The following ADAMTSL1 variants were observed in gnomAD, a reference collection of about 807,000 sequenced individuals.
The protein encoded by ADAMTSL1 is ADAMTS like 1.
In ADAMTSL1, 126 loss-of-function variants were observed where a neutral mutation model predicts 201.8. That is an observed-to-expected ratio of 0.62 (90% confidence interval 0.54 to 0.72). ADAMTSL1 has a LOEUF of 0.72. ADAMTSL1 is among the 30% of genes least tolerant of loss of function. The pLI is 0.00. For missense variants in ADAMTSL1, 2,679 were observed against 2,277.8 expected, an observed-to-expected ratio of 1.18 and a Z score of -3.59; for synonymous variants, 1,121 against 903.4, an observed-to-expected ratio of 1.24 and a Z score of -4.32.
chr9:18,336,767 T>C (rs1396515622), intron 2 of ADAMTSL1, among the ~76,000 whole-genome samples: 1 of 152,146 alleles, frequency 6.6e-6, no homozygotes, highest in Non-Finnish European at 1.5e-5. Flanking sequence ...ATGTGAATGT[T>C]GGACTAGATT....
intron 15 of ADAMTSL1, among the ~76,000 whole-genome samples, chr9:18,737,088 G>T (rs1161697766): frequency 1.3e-5 from 2 of 152,150 alleles, no homozygotes; most frequent in East Asian, 3.9e-4. Flanking sequence ...GAAGGCCGAG[G>T]CAGGTGGGTC....
intron 2 of ADAMTSL1, among the ~76,000 whole-genome samples, chr9:18,255,142 A>G (rs1831631578): frequency 6.6e-6 from 1 of 152,192 alleles, no homozygotes; most frequent in African/African-American, 2.4e-5. Context: ...GCATTATAAT[A>G]TTAACAAATT....
chr9:18,553,421 A>C (rs1424627498), intron 3 of ADAMTSL1, among the ~76,000 whole-genome samples: 5 of 151,630 alleles, frequency 3.3e-5, no homozygotes, highest in Admixed American at 2.0e-4. Flanking sequence ...TATTTTTGTC[A>C]AGTGTTTTAG....
chr9:18,192,696 T>A lies in ADAMTSL1; in HGVS notation c.207+28715T>A, dbSNP rs141900661. Among the ~76,000 whole-genome samples, 631 of 152,130 alleles carry A rather than the reference T, an allele frequency of 4.1e-3. 5 individuals are homozygous for A. The highest frequency in any genetic ancestry group is 0.015 in the African/African-American group (603 of 41,542). ...ATTCAGTACTACACTTTTACTAGAC[T>A]CAAAAAACATTTACAGTACTGTTTA... On this transcript the variant is annotated intron_variant, in intron 2 of 29. Transcript: ENST00000680146.
At chr9:18,583,779 A>G (rs7023504) in intron 4 of ADAMTSL1, among the ~76,000 whole-genome samples, 21,607 of 152,258 alleles carry the variant, frequency 0.14, 1,927 homozygotes, top group South Asian at 0.25. Context: ...CAGGAGTCAA[A>G]GGAAATCACT....
intron 23 of ADAMTSL1, among the ~76,000 whole-genome samples, chr9:18,885,405 C>T (rs1421290255): frequency 6.6e-6 from 1 of 152,220 alleles, no homozygotes. Context: ...ATAGTAGCCT[C>T]CTTGGTTAAG....
At chr9:18,596,184 G>T (rs1032486964) in intron 4 of ADAMTSL1, among the ~76,000 whole-genome samples, 1 of 152,198 alleles carries the variant, frequency 6.6e-6, no homozygotes, top group Admixed American at 6.5e-5. Flanking sequence ...AAGTTCTGCC[G>T]TGTGGGTCTG....
At chr9:18,820,294 C>T (rs746643022) in intron 21 of ADAMTSL1, among the ~76,000 whole-genome samples, 16 of 152,130 alleles carry the variant, frequency 1.1e-4, no homozygotes, top group Non-Finnish European at 1.2e-4. Context: ...AGGAAGCTCA[C>T]AGTCTGGGAA....
intron 9 of ADAMTSL1, among the ~76,000 whole-genome samples, chr9:18,668,523 A>G (rs916368047): frequency 2.6e-5 from 4 of 152,208 alleles, no homozygotes; most frequent in Non-Finnish European, 5.9e-5. Flanking sequence ...GTGAGTTAAT[A>G]GAGTAGGTAT....
intron 1 of ADAMTSL1, among the ~76,000 whole-genome samples, chr9:17,952,543 C>T (rs1435269319): frequency 6.6e-6 from 1 of 152,054 alleles, no homozygotes. Context: ...GCTTTGTAGT[C>T]TGCTGCATTG....
rs577514919 is a variant in ADAMTSL1, at chr9:18,145,158, G to A, written c.88-18704G>A. 1.2e-4 allele frequency among the ~76,000 whole-genome samples: 18 copies of A among 152,286 alleles called. No homozygotes were observed. In the South Asian group the frequency reaches 3.7e-3, roughly 32 times the overall value. ...TCTTAGTGGCATTTATATGTTAAAA[G>A]TAGACTGTTGAGGATAGAAAACTTT... On this transcript the variant is annotated intron_variant, in intron 1 of 29. Coordinates refer to the ADAMTSL1 transcript ENST00000680146.
chr9:18,424,436 C>T (rs1446389937), intron 2 of ADAMTSL1, among the ~76,000 whole-genome samples: 2 of 152,182 alleles, frequency 1.3e-5, no homozygotes, highest in African/African-American at 4.8e-5. Flanking sequence ...AGTGAACATG[C>T]ATCTCCTACA....
intron 2 of ADAMTSL1, among the ~76,000 whole-genome samples, chr9:18,528,827 A>G (rs949829592): frequency 5.3e-5 from 8 of 152,130 alleles, no homozygotes; most frequent in African/African-American, 1.7e-4. Context: ...GGACATATTT[A>G]TTTAAATCCT....
chr9:18,631,363 A>G (rs779988017), intron 5 of ADAMTSL1, among the ~76,000 whole-genome samples: 31 of 152,160 alleles, frequency 2.0e-4, no homozygotes, highest in Non-Finnish European at 4.0e-4. Context: ...TCAACTTCTT[A>G]TTTTGTTGGA....
At chr9:18,191,131 A>G (rs762229700) in intron 2 of ADAMTSL1, among the ~76,000 whole-genome samples, 1 of 152,144 alleles carries the variant, frequency 6.6e-6, no homozygotes, top group Non-Finnish European at 1.5e-5. Flanking sequence ...CTGGGTTCAG[A>G]CTGGAATGCT....
At chr9:17,948,654 T>C (rs1313331189) in intron 1 of ADAMTSL1, among the ~76,000 whole-genome samples, 1 of 152,216 alleles carries the variant, frequency 6.6e-6, no homozygotes, top group East Asian at 1.9e-4. Flanking sequence ...CCCGAGTGTC[T>C]CCCATGCTAA....
At chr9:18,378,795 A>G (rs1387481884) in intron 2 of ADAMTSL1, among the ~76,000 whole-genome samples, 1 of 151,576 alleles carries the variant, frequency 6.6e-6, no homozygotes, top group African/African-American at 2.4e-5. Flanking sequence ...CCAGTCCCAT[A>G]TCAATAAGTA....
intron 2 of ADAMTSL1, among the ~76,000 whole-genome samples, chr9:18,236,334 A>C (rs1830847857): frequency 6.6e-6 from 1 of 152,124 alleles, no homozygotes. Flanking sequence ...TCAGCCTCCC[A>C]AAGTGCTGGG....
intron 1 of ADAMTSL1, among the ~76,000 whole-genome samples, chr9:18,067,303 T>C (rs544810135): frequency 6.6e-6 from 1 of 152,316 alleles, no homozygotes; most frequent in Admixed American, 6.5e-5. Flanking sequence ...TTATTTGTTT[T>C]ACTTACTTAA....
Sources: allele counts gnomAD v4.1 joint callset (sites outside exome capture counted in the v4.1 genomes callset), GRCh38; gene constraint gnomAD v4.1.1; transcripts MANE v1.5; gene names NCBI Gene and HGNC (gene_info 2026-07-23, HGNC 2026-07-21).